Variants in RPS5 observed in about 807,000 individuals in gnomAD.
RPS5 encodes the protein ribosomal protein S5.
A neutral mutation model predicts 20.9 loss-of-function variants in RPS5; 2 were observed. That is an observed-to-expected ratio of 0.10 (90% CI 0.04 to 0.30). The LOEUF (loss-of-function observed/expected upper bound fraction) is 0.30, where lower values mean the gene tolerates loss of function less well. RPS5 is among the 10% of genes least tolerant of loss of function. The pLI, the probability that RPS5 is intolerant of heterozygous loss-of-function variation, is 1.00. For synonymous variants in RPS5, 112 were observed against 105.8 expected (o/e 1.06, Z -0.36); for missense variants, 122 against 287.2 (o/e 0.42, Z 4.16).
chr19:58,388,791 AT>A lies in RPS5; in HGVS notation c.108+559del, dbSNP rs751784869. On this transcript the variant is annotated intron_variant, in intron 2 of 5. Coordinates refer to ENST00000196551, the MANE Select transcript of RPS5 (RefSeq NM_001009.4). ...AGGTGCCCGCCACTGCACCTGGCTG[AT>A]TTTTTTTTTTTTATTTTTAGTAGAG... Among the ~76,000 whole-genome samples the A allele has an allele frequency of 7.4e-3, 1,072 of 144,042 alleles. 3 individuals carry two copies. Among genetic ancestry groups the A allele is most frequent in the Middle Eastern group, 0.018 (5 of 272 alleles). The allele number at this position is 144,042 out of a possible 152,430, so 94.5% of individuals were successfully genotyped here.
rs371545550 is a variant in RPS5 at position 58,394,214 on chromosome 19, T to C, written c.448-283T>C. On this transcript the variant is annotated intron_variant, in intron 4 of 5. Transcript: ENST00000196551. ...TTCCTCCTGCCTCAGCATCCCGAAG[T>C]GTTACAGGCGCAAGCCACCGTGCCC... 1.1e-3 allele frequency: 429 copies of C among 398,982 alleles called. 8 individuals are homozygous for C. The South Asian group carries it at 0.012, about 11-fold the overall frequency. 24.7% of individuals were successfully genotyped at this position (398,982 alleles called of 1,614,324 possible). A position where few individuals can be genotyped will look rare whatever the true frequency, so the allele number is the denominator to read the frequency against.
chr19:58,388,635 AGTT>A, intron 2 of RPS5: 2 of 200,634 alleles, frequency 1.0e-5, no homozygotes, highest in South Asian at 2.3e-4. Context: ...AGCTGGCCGT[AGTT>A]TTTTTTTTTT....
At chr19:58,387,416 T>C (rs2052332379) in intron 1 of RPS5, 77 bp downstream of exon 1, 1 of 152,264 alleles carries the variant, frequency 6.6e-6, no homozygotes, top group Non-Finnish European at 1.5e-5. Flanking sequence ...GCCTGGGCCT[T>C]TTCTCATTAG....
intron 1 of RPS5, chr19:58,387,659 C>T: frequency 6.1e-6 from 1 of 164,120 alleles, no homozygotes; most frequent in South Asian, 1.3e-4. Flanking sequence ...CCCCTAGAGC[C>T]TTCATACTGT....
chr19:58,392,851 T>A, intron 2 of RPS5, 125 bp from the exon 3 acceptor site: 1 of 838,156 alleles, frequency 1.2e-6, no homozygotes, highest in South Asian at 1.7e-5. Context: ...TGTTGAGGCA[T>A]ACCAGGATCC....
In RPS5 at chr19:58,388,851, G is replaced by A. The variant is rs2052345548; in HGVS notation, c.108+606G>A. ...TCACCGAGTTAGCCAGGATGGTCTC[G>A]ATCTCCTGACCTCGTGATCCGCCCG... is the stretch of plus-strand genomic sequence containing the variant. On this transcript the variant is annotated intron_variant, in intron 2 of 5. Transcript: ENST00000196551. 2.6e-5 allele frequency among the ~76,000 whole-genome samples: 4 copies of A among 151,682 alleles called. No individual in the cohort carries two copies. The South Asian group carries it at 8.3e-4, about 32-fold the overall frequency.
chr19:58,391,641 C>G (rs777996613), intron 2 of RPS5, among the ~76,000 whole-genome samples: 1 of 151,282 alleles, frequency 6.6e-6, no homozygotes, highest in Non-Finnish European at 1.5e-5. Flanking sequence ...CAAAAAAGTT[C>G]TCAGCCAGGT....
chr19:58,393,684 G>A, intron 4 of RPS5, 197 bp downstream of exon 4: 1 of 623,090 alleles, frequency 1.6e-6, no homozygotes, highest in Non-Finnish European at 2.7e-6. Context: ...ACATTTGGCA[G>A]AGGTCTTCTT....
At chr19:58,387,904 C>T in intron 1 of RPS5, 1 of 555,574 alleles carries the variant, frequency 1.8e-6, no homozygotes, top group Non-Finnish European at 3.2e-6. Context: ...CAGCTGTTGA[C>T]TGGTGGCTGC....
chr19:58,391,438 A>AAAAAAAAC (rs1041206917), intron 2 of RPS5, among the ~76,000 whole-genome samples: 1 of 150,406 alleles, frequency 6.6e-6, no homozygotes, highest in African/African-American at 2.5e-5. Context: ...ATCTCAAAAA[A>AAAAAAAAC]AAAAAAAAAA....
At position 58,388,353 on chromosome 19, in the gene RPS5, A is replaced by C. The variant is rs186495058; in HGVS notation, c.108+108A>C. 146 of 770,476 alleles carry C rather than the reference A, an allele frequency of 1.9e-4. No individual in the cohort carries two copies. The African/African-American group carries it at 2.3e-3, about 12-fold the overall frequency. The allele number at this position is 770,476 out of a possible 1,614,324, so 47.7% of individuals were successfully genotyped here. A position where few individuals can be genotyped will look rare whatever the true frequency, so the allele number is the denominator to read the frequency against. ...CATTAAGTCAAGAATAGAGATCATA[A>C]CAGGTAAAGAAGGGATCCCTTGACC... On this transcript the variant is annotated intron_variant, in intron 2 of 5. Coordinates refer to ENST00000196551, the MANE Select transcript of RPS5 (RefSeq NM_001009.4).
chr19:58,390,312 A>G (rs931128583), intron 2 of RPS5, among the ~76,000 whole-genome samples: 2 of 150,944 alleles, frequency 1.3e-5, no homozygotes, highest in South Asian at 2.1e-4. Context: ...TTCCTGCCTC[A>G]GCCTCCCGAA....
intron 2 of RPS5, among the ~76,000 whole-genome samples, chr19:58,391,397 A>T (rs992968317): frequency 1.2e-4 from 16 of 135,078 alleles, no homozygotes; most frequent in African/African-American, 4.7e-4. Flanking sequence ...ATGCCATTGC[A>T]CTCCAGCCTG....
chr19:58,394,210 G>A (rs777917120), intron 4 of RPS5: 37 of 377,640 alleles, frequency 9.8e-5, no homozygotes, highest in Non-Finnish European at 1.6e-4. Context: ...TCAGCATCCC[G>A]AAGTGTTACA....
At chr19:58,393,594 GCATC>G in intron 4 of RPS5, 107 bp downstream of exon 4, 1 of 1,407,166 alleles carries the variant, frequency 7.1e-7, no homozygotes, top group Non-Finnish European at 9.5e-7. Context: ...TTTACCTGCA[GCATC>G]ACTTCCTCTA....
chr19:58,394,304 C>G (rs1184003270), intron 4 of RPS5, 193 bp from the exon 5 acceptor site: 1 of 583,426 alleles, frequency 1.7e-6, no homozygotes, highest in Non-Finnish European at 3.1e-6. Context: ...GCAACTTCAG[C>G]CTGTGTGTGT....
At position 58,394,674 on chromosome 19, in the gene RPS5, C is replaced by G. The variant is rs755942310; in HGVS notation, c.547-8C>G. 3 of 1,614,042 alleles carry G rather than the reference C, an allele frequency of 1.9e-6. No individual in the cohort carries two copies. In the South Asian group the frequency reaches 3.3e-5, roughly 18 times the overall value. ...CTTCAGAATTCAGAGCTGTGTGTCT[C>G]CTTGCAGGGCTCCTCGAACTCCTAT... On this transcript the variant is annotated splice_region_variant and splice_polypyrimidine_tract_variant and intron_variant, in intron 5 of 5. Coordinates refer to ENST00000196551, the MANE Select transcript of RPS5 (RefSeq NM_001009.4).
In RPS5 at chr19:58,394,609, C is replaced by G. The variant is rs755447705; in HGVS notation, c.546+14C>G. On this transcript the variant is annotated intron_variant, in intron 5 of 5. Transcript: ENST00000196551. ...AATGCTGCCAAGGTGGGTGAGGGCA[C>G]TCCGGTTGGGGGGTCTTAAGTTGGG... The G allele has an allele frequency of 6.8e-6, 11 of 1,613,880 alleles. No individual in the cohort carries two copies. The highest frequency in any genetic ancestry group is 9.3e-6 in the Non-Finnish European group (11 of 1,179,810).
In RPS5 at chr19:58,393,109, G is replaced by A. The variant is rs778315513; in HGVS notation, c.242G>A (p.Arg81His). The change falls in exon 3 of 6, where the codon CGC becomes CAC. Residue 81 changes from arginine to histidine, a missense_variant. By Grantham distance (29) the Arg-to-His change is conservative. Around this residue, in one of 6 missense-constraint regions of RPS5, gnomAD observed 49 missense variants for 64.9 expected, o/e 0.75. Coordinates refer to ENST00000196551, the MANE Select transcript of RPS5 (RefSeq NM_001009.4). ...ACTAACTCCATGATGATGCACGGCC[G>A]CAACAACGGCAAGAAGCTCATGACT... ...RLTNSMMMHG[R>H]NNGKKLMTVR... The A allele has an allele frequency of 2.5e-6, 4 of 1,614,228 alleles. No homozygotes were observed. The highest frequency in any genetic ancestry group is 3.4e-6 in the Non-Finnish European group (4 of 1,180,042).
Sources: allele counts gnomAD v4.1 joint callset (sites outside exome capture counted in the v4.1 genomes callset), GRCh38; gene constraint gnomAD v4.1.1; regional missense constraint gnomAD v4.1.1; transcripts MANE v1.5; gene names NCBI Gene and HGNC (gene_info 2026-07-23, HGNC 2026-07-21).